Variants in PTCD1 observed in about 807,000 individuals in gnomAD.
PTCD1 encodes pentatricopeptide repeat-containing protein 1, mitochondrial.
Under a neutral mutation model 53.4 loss-of-function variants are expected in PTCD1, and 50 were observed. The observed-to-expected ratio is 0.94, with a 90% confidence interval of 0.75 to 1.19. The LOEUF (loss-of-function observed/expected upper bound fraction) is 1.19, where lower values mean the gene tolerates loss of function less well. PTCD1 is among the 50% of genes most tolerant of loss of function. The probability of loss-of-function intolerance (pLI) is 0.00; values close to 1 mark genes in which losing one functional copy is unlikely to be tolerated. For missense variants in PTCD1, 918 were observed against 904.8 expected, an observed-to-expected ratio of 1.01 and a Z score of -0.19; for synonymous variants, 413 against 394.8, an observed-to-expected ratio of 1.05 and a Z score of -0.55.
chr7:99,425,129 A>C lies in PTCD1; in HGVS notation c.1403T>G (p.Ile468Arg), dbSNP rs148440637. The change falls in exon 6 of 8, where the codon ATA becomes AGA. Residue 468 changes from isoleucine to arginine, a missense_variant. By Grantham distance (97) the Ile-to-Arg change is moderately conservative. Coordinates refer to ENST00000292478, the MANE Select transcript of PTCD1 (RefSeq NM_015545.4). Reference protein sequence around the residue: ...VTTPADRLALIGGLEGFLSKM... With the variant: ...VTTPADRLALRGGLEGFLSKM... ...GCTCAGGAAGCCCTCCAGGCCCCCT[A>C]TCAAGGCCAGCCGGTCAGCTGGGGT... 4.3e-6 allele frequency: 7 copies of C among 1,613,986 alleles called. No homozygotes were observed. The highest frequency in any genetic ancestry group is 5.9e-6 in the Non-Finnish European group (7 of 1,179,944).
rs763589380 is a variant in PTCD1, at chr7:99,433,273, T to C, written c.594+5A>G. 1.9e-6 allele frequency: 3 copies of C among 1,614,134 alleles called. No homozygotes were observed. The highest frequency in any genetic ancestry group is 1.1e-5 in the South Asian group (1 of 91,088). Reference sequence around the variant, plus strand: ...TCACCCCGGCTGCCCTGCGCCCACATGCACCTGGTTGTAGAGGTTGAAGGC... The same window carrying C: ...TCACCCCGGCTGCCCTGCGCCCACACGCACCTGGTTGTAGAGGTTGAAGGC... On this transcript the variant is annotated splice_donor_5th_base_variant and intron_variant, in intron 3 of 7. Coordinates refer to ENST00000292478, the MANE Select transcript of PTCD1 (RefSeq NM_015545.4).
chr7:99,417,670 G>C lies in PTCD1; in HGVS notation c.*2297C>G. The C allele has an allele frequency of 6.3e-7, 1 of 1,583,618 alleles. No homozygotes were observed. Among genetic ancestry groups the C allele is most frequent in the East Asian group, 2.3e-5 (1 of 44,264 alleles). ...CTTAGTCGACTGCAAGGGATCTTAT[G>C]TTATTTGGTTGGGCTGGAATGTCGT... On this transcript the variant is annotated 3_prime_UTR_variant, in exon 8 of 8. Transcript: ENST00000292478.
chr7:99,431,513 G>A (rs529097396), intron 3 of PTCD1, among the ~76,000 whole-genome samples: 1 of 152,334 alleles, frequency 6.6e-6, no homozygotes, highest in Non-Finnish European at 1.5e-5. Flanking sequence ...AGGCCAAGGC[G>A]GGTGGACCAC....
Position 99,419,696 on chromosome 7 carries a change from C to G in PTCD1, c.*271G>C. 2 of 692,856 alleles carry G rather than the reference C, an allele frequency of 2.9e-6. No homozygotes were observed. Among genetic ancestry groups the G allele is most frequent in the Non-Finnish European group, 4.7e-6 (2 of 421,300 alleles). 42.9% of individuals were successfully genotyped at this position (692,856 alleles called of 1,614,324 possible). On this transcript the variant is annotated 3_prime_UTR_variant, in exon 8 of 8. Coordinates refer to ENST00000292478, the MANE Select transcript of PTCD1 (RefSeq NM_015545.4). ...AGGCCCCAGGGACCAGATGCCCCAG[C>G]CCCCTTGTGGTGTGTGAGGTGACAC...
At position 99,426,173 on chromosome 7, in the gene PTCD1, C is replaced by T. The variant is rs13312040; in HGVS notation, c.916-557G>A. On this transcript the variant is annotated intron_variant, in intron 5 of 7. Transcript: ENST00000292478. ...CTCCCTCTCCCTCTCCCTCTCCCCACGGTCTCCCTCTCCCTCTCCCCACGG... is the reference window on the plus strand; with the variant it reads ...CTCCCTCTCCCTCTCCCTCTCCCCATGGTCTCCCTCTCCCTCTCCCCACGG... 5.0e-5 allele frequency among the ~76,000 whole-genome samples: 6 copies of T among 121,038 alleles called. 1 individual carries two copies. The highest frequency in any genetic ancestry group is 4.6e-4 in the Admixed American group (6 of 12,910). The allele number at this position is 121,038 out of a possible 152,430, so 79.4% of individuals were successfully genotyped here.
Position 99,418,040 on chromosome 7 carries a change from T to A in PTCD1, c.*1927A>T. The A allele has an allele frequency of 9.2e-7, 1 of 1,090,234 alleles. No individual in the cohort carries two copies. The allele number at this position is 1,090,234 out of a possible 1,614,324, so 67.5% of individuals were successfully genotyped here. ...TGGAGTGCAGTGATGCCATCTTGGCTCACTGCAACCTCCACCTCCCGGGTT... is the reference window on the plus strand; with the variant it reads ...TGGAGTGCAGTGATGCCATCTTGGCACACTGCAACCTCCACCTCCCGGGTT... On this transcript the variant is annotated 3_prime_UTR_variant, in exon 8 of 8. Coordinates refer to ENST00000292478, the MANE Select transcript of PTCD1 (RefSeq NM_015545.4).
intron 1 of PTCD1, among the ~76,000 whole-genome samples, chr7:99,436,667 C>A (rs1211908503): frequency 1.3e-5 from 2 of 152,164 alleles, no homozygotes; most frequent in African/African-American, 4.8e-5. Context: ...AGGGGAGAGA[C>A]TTGCTGGGGT....
rs774707652 is a variant in PTCD1, at chr7:99,435,016, G to C, written c.227C>G (p.Thr76Arg). The part of the protein sequence containing the change: ...LGSDPSHSNS[T>R]ATQEEDEEEE... Reference sequence around the variant, plus strand: ...CTCCTCGTCTTCTTCCTGCGTGGCCGTGGAGTTGGAGTGGCTCGGGTCAGA... The same window carrying C: ...CTCCTCGTCTTCTTCCTGCGTGGCCCTGGAGTTGGAGTGGCTCGGGTCAGA... The change falls in exon 2 of 8, where the codon ACG becomes AGG. Residue 76 changes from threonine to arginine, a missense_variant. Thr to Arg is a moderately conservative substitution (Grantham distance 71, BLOSUM62 -1). Transcript: ENST00000292478. The C allele has an allele frequency of 6.2e-7, 1 of 1,613,916 alleles. No individual in the cohort carries two copies. Among genetic ancestry groups the C allele is most frequent in the African/African-American group, 1.3e-5 (1 of 74,932 alleles).
intron 1 of PTCD1, among the ~76,000 whole-genome samples, chr7:99,437,772 C>T (rs1268149163): frequency 1.3e-5 from 2 of 152,124 alleles, no homozygotes; most frequent in Non-Finnish European, 1.5e-5. Flanking sequence ...TTAAGCCATG[C>T]TCATGCCTCA....
At chr7:99,433,700 T>C (rs1041403622) in intron 2 of PTCD1, among the ~76,000 whole-genome samples, 2 of 152,194 alleles carry the variant, frequency 1.3e-5, no homozygotes, top group Non-Finnish European at 2.9e-5. Context: ...GTCTATCCAC[T>C]GCATATACGG....
intron 2 of PTCD1, among the ~76,000 whole-genome samples, chr7:99,433,984 A>G (rs1796355473): frequency 1.4e-5 from 2 of 145,324 alleles, no homozygotes; most frequent in Admixed American, 7.1e-5. Flanking sequence ...CCCGGGAGGC[A>G]GAGGCTACGG....
rs1795977136 is a variant in PTCD1, at chr7:99,425,414, T to C, written c.1118A>G (p.Asn373Ser). 6.2e-7 allele frequency: 1 copy of C among 1,614,092 alleles called. No homozygotes were observed. The highest frequency in any genetic ancestry group is 8.5e-7 in the Non-Finnish European group (1 of 1,180,024). ...PRRTAQAKAG[N>S]LMSAMLHVEA... ...CACATGCAGCATGGCTGACATGAGG[T>C]TGCCTGCCTTGGCCTGGGCTGTCCT... Residue 373 changes from asparagine to serine, a missense_variant, in exon 6 of 8, where the codon AAC becomes AGC. By Grantham distance (46) the Asn-to-Ser change is conservative. Transcript: ENST00000292478.
intron 1 of PTCD1, chr7:99,438,464 T>C: frequency 9.5e-7 from 1 of 1,050,406 alleles, no homozygotes; most frequent in Non-Finnish European, 1.2e-6. Context: ...GAAAAAACCC[T>C]GAATTAGAGA....
chr7:99,431,161 C>G (rs1423701856), intron 3 of PTCD1, among the ~76,000 whole-genome samples: 4 of 151,740 alleles, frequency 2.6e-5, no homozygotes, highest in Admixed American at 6.6e-5. Context: ...GAGTCTTACT[C>G]TGTCGCCAGG....
intron 3 of PTCD1, among the ~76,000 whole-genome samples, 165 bp from the exon 4 acceptor site, chr7:99,429,971 C>G (rs1796198047): frequency 6.6e-6 from 1 of 152,186 alleles, no homozygotes; most frequent in Non-Finnish European, 1.5e-5. Flanking sequence ...TCTCCAAACT[C>G]AGACACATTG....
intron 4 of PTCD1, 117 bp downstream of exon 4, chr7:99,429,471 C>A (rs1408074586): frequency 6.8e-7 from 1 of 1,471,004 alleles, no homozygotes; most frequent in East Asian, 2.4e-5. Context: ...GGCCCAATAC[C>A]GGCTGTCTCA....
chr7:99,435,321 G>C (rs933676682), intron 1 of PTCD1, 53 bp from the exon 2 acceptor site: 3 of 1,590,390 alleles, frequency 1.9e-6, no homozygotes, highest in African/African-American at 2.7e-5. Context: ...AGTAACAAAA[G>C]GCAGAAAGAA....
chr7:99,431,899 C>T (rs1402382834), intron 3 of PTCD1, among the ~76,000 whole-genome samples: 1 of 152,206 alleles, frequency 6.6e-6, no homozygotes, highest in Non-Finnish European at 1.5e-5. Flanking sequence ...CAACCCTGTG[C>T]TTGCAGAGAC....
rs1795562239 is a variant in PTCD1 at position 99,417,434 on chromosome 7, T to C, written c.*2533A>G. On this transcript the variant is annotated 3_prime_UTR_variant, in exon 8 of 8. Transcript: ENST00000292478. ...TTTCCCCATCTTTTTGACAGAACTCTATGAATATTGTATTAAAGAAGGCTA... is the reference window on the plus strand; with the variant it reads ...TTTCCCCATCTTTTTGACAGAACTCCATGAATATTGTATTAAAGAAGGCTA... 14 of 1,613,878 alleles carry C rather than the reference T, an allele frequency of 8.7e-6. No individual in the cohort carries two copies. The highest frequency in any genetic ancestry group is 1.2e-5 in the Non-Finnish European group (14 of 1,179,936).
Sources: allele counts gnomAD v4.1 joint callset (sites outside exome capture counted in the v4.1 genomes callset), GRCh38; gene constraint gnomAD v4.1.1; transcripts MANE v1.5; gene names NCBI Gene and HGNC (gene_info 2026-07-23, HGNC 2026-07-21).